Variants in NOS1AP observed in about 807,000 individuals in gnomAD.
NOS1AP encodes carboxyl-terminal PDZ ligand of neuronal nitric oxide synthase protein.
NOS1AP carries 21 observed loss-of-function variants against 56.2 expected under a neutral mutation model. The observed-to-expected ratio is 0.37, with a 90% CI of 0.26 to 0.54. The LOEUF (loss-of-function observed/expected upper bound fraction) is 0.54. Among genes scored for constraint, NOS1AP ranks in the 20% least tolerant of loss-of-function variants. The probability of loss-of-function intolerance (pLI) is 0.84; values close to 1 mark genes in which losing one functional copy is unlikely to be tolerated. For missense variants in NOS1AP, 522 were observed against 657.8 expected, an observed-to-expected ratio of 0.79 and a Z score of 2.26; for synonymous variants, 270 against 274.6, an observed-to-expected ratio of 0.98 and a Z score of 0.17.
intron 3 of NOS1AP, among the ~76,000 whole-genome samples, chr1:162,296,284 T>C (rs950163047): frequency 1.3e-5 from 2 of 152,106 alleles, no homozygotes; most frequent in African/African-American, 4.8e-5. Context: ...AGACTCTGTC[T>C]CAAAAACAAA....
intron 1 of NOS1AP, among the ~76,000 whole-genome samples, chr1:162,086,543 G>A (rs981131472): frequency 6.6e-6 from 1 of 152,130 alleles, no homozygotes; most frequent in African/African-American, 2.4e-5. Flanking sequence ...CCTTATAGGT[G>A]TGCCATTGGT....
At chr1:162,331,295 A>G (rs376798691) in intron 4 of NOS1AP, among the ~76,000 whole-genome samples, 1 of 152,152 alleles carries the variant, frequency 6.6e-6, no homozygotes, top group Non-Finnish European at 1.5e-5. Context: ...TACAGTCCCC[A>G]AGGTGAACTT....
intron 2 of NOS1AP, among the ~76,000 whole-genome samples, chr1:162,280,310 C>T (rs1477775859): frequency 6.6e-6 from 1 of 152,192 alleles, no homozygotes; most frequent in Non-Finnish European, 1.5e-5. Context: ...CTAGCAATAG[C>T]ACTTTCATAA....
chr1:162,258,578 C>G (rs1654109084), intron 2 of NOS1AP, among the ~76,000 whole-genome samples: 1 of 152,200 alleles, frequency 6.6e-6, no homozygotes, highest in African/African-American at 2.4e-5. Flanking sequence ...TAACTCCCAG[C>G]TCCAGATATT....
intron 2 of NOS1AP, among the ~76,000 whole-genome samples, chr1:162,221,944 A>G (rs559273418): frequency 4.4e-4 from 67 of 152,366 alleles, no homozygotes; most frequent in African/African-American, 1.6e-3. Context: ...GTTCTGTTAT[A>G]TAGATTAAAT....
intron 2 of NOS1AP, 93 bp downstream of exon 2, chr1:162,154,569 G>A: frequency 8.5e-7 from 1 of 1,172,654 alleles, no homozygotes; most frequent in Admixed American, 1.8e-5. Flanking sequence ...AAAATGGATG[G>A]CTACACCCCT....
At chr1:162,204,907 G>A (rs1014937644) in intron 2 of NOS1AP, among the ~76,000 whole-genome samples, 63 of 152,116 alleles carry the variant, frequency 4.1e-4, no homozygotes, top group African/African-American at 1.5e-3. Context: ...GTAGGACTAG[G>A]GGACTTTGAG....
chr1:162,339,403 A>ATTT (rs1657036609), intron 5 of NOS1AP, among the ~76,000 whole-genome samples: 1 of 75,724 alleles, frequency 1.3e-5, no homozygotes, highest in Non-Finnish European at 2.7e-5. Flanking sequence ...GCTTTTTTTA[A>ATTT]AAAAAAAAAA....
At chr1:162,326,100 C>T (rs964266740) in intron 4 of NOS1AP, among the ~76,000 whole-genome samples, 4 of 152,126 alleles carry the variant, frequency 2.6e-5, no homozygotes, top group South Asian at 2.1e-4. Flanking sequence ...CTCACTTCAA[C>T]GATTAAAAAA....
chr1:162,249,685 T>C (rs188766422), intron 2 of NOS1AP, among the ~76,000 whole-genome samples: 13 of 152,292 alleles, frequency 8.5e-5, no homozygotes, highest in African/African-American at 3.1e-4. Context: ...CTGCATAGGG[T>C]ATTGAAATTT....
chr1:162,173,852 C>A (rs1207612566), intron 2 of NOS1AP, among the ~76,000 whole-genome samples: 1 of 152,194 alleles, frequency 6.6e-6, no homozygotes, highest in East Asian at 1.9e-4. Flanking sequence ...ATCAAAACCA[C>A]AATGAGATAC....
intron 1 of NOS1AP, among the ~76,000 whole-genome samples, chr1:162,124,770 G>A (rs1203858465): frequency 1.3e-5 from 2 of 151,978 alleles, no homozygotes; most frequent in African/African-American, 2.4e-5. Context: ...TGATCTGCCC[G>A]CCTTGGCCTC....
At chr1:162,190,255 A>C (rs941273798) in intron 2 of NOS1AP, among the ~76,000 whole-genome samples, 2 of 152,294 alleles carry the variant, frequency 1.3e-5, no homozygotes, top group South Asian at 2.1e-4. Context: ...TGGCTCCGCC[A>C]TCTCTCTAGG....
At chr1:162,252,824 A>G (rs567197481) in intron 2 of NOS1AP, among the ~76,000 whole-genome samples, 3 of 152,294 alleles carry the variant, frequency 2.0e-5, no homozygotes, top group East Asian at 1.9e-4. Flanking sequence ...AATAAAATTC[A>G]GTTTTTTGGT....
At chr1:162,145,256 G>T (rs533807915) in intron 1 of NOS1AP, among the ~76,000 whole-genome samples, 1 of 150,172 alleles carries the variant, frequency 6.7e-6, no homozygotes, top group African/African-American at 2.4e-5. Context: ...TGTATGTGAG[G>T]GGTGGGTGGG....
At chr1:162,272,187 G>A (rs1211336667) in intron 2 of NOS1AP, among the ~76,000 whole-genome samples, 1 of 152,090 alleles carries the variant, frequency 6.6e-6, no homozygotes, top group Admixed American at 6.5e-5. Context: ...CCCATCATGC[G>A]GGGCCCACCC....
chr1:162,315,833 A>AC (rs1373517587), intron 4 of NOS1AP, among the ~76,000 whole-genome samples: 1 of 151,836 alleles, frequency 6.6e-6, no homozygotes, highest in African/African-American at 2.4e-5. Flanking sequence ...TTTCATCCCT[A>AC]CCCCCACAGT....
chr1:162,090,253 C>G (rs1692100639), intron 1 of NOS1AP, among the ~76,000 whole-genome samples: 2 of 151,242 alleles, frequency 1.3e-5, no homozygotes, highest in South Asian at 4.2e-4. Context: ...TTTAAAAAAT[C>G]TTAAGTGTTA....
intron 1 of NOS1AP, among the ~76,000 whole-genome samples, chr1:162,147,503 T>A (rs1413645013): frequency 6.6e-6 from 1 of 152,194 alleles, no homozygotes; most frequent in African/African-American, 2.4e-5. Context: ...GCTTTCTGTC[T>A]TGCTGCTTTT....
Sources: gnomAD v4.1 joint callset for allele counts (sites outside exome capture counted in the v4.1 genomes callset) on GRCh38, gnomAD v4.1.1 for gene constraint, MANE v1.5 for transcripts, NCBI Gene and HGNC (gene_info 2026-07-23, HGNC 2026-07-21) for gene names.